Variants in NCAM2 observed in about 807,000 individuals in gnomAD.
NCAM2 encodes the protein N-CAM-2.
NCAM2 carries 30 observed loss-of-function variants against 98.1 expected under a neutral mutation model. That is an observed-to-expected ratio of 0.31 (90% CI 0.23 to 0.41). NCAM2 has a LOEUF of 0.41. Ranked by LOEUF, NCAM2 falls within the 10% of genes least tolerant of loss-of-function variation. The pLI, the probability that NCAM2 is intolerant of heterozygous loss-of-function variation, is 1.00. For synonymous variants in NCAM2, 368 were observed against 342.4 expected, an observed-to-expected ratio of 1.07 and a Z score of -0.83; for missense variants, 867 against 1,005.8, an observed-to-expected ratio of 0.86 and a Z score of 1.87.
At chr21:21,316,628 C>G (rs557708807) in intron 5 of NCAM2, among the ~76,000 whole-genome samples, 3 of 142,128 alleles carry the variant, frequency 2.1e-5, no homozygotes, top group Non-Finnish European at 3.0e-5. Flanking sequence ...CCTACAACCT[C>G]TGCCTCCCAG....
At chr21:21,409,345 T>C (rs1177070074) in intron 9 of NCAM2, among the ~76,000 whole-genome samples, 2 of 152,122 alleles carry the variant, frequency 1.3e-5, no homozygotes, top group East Asian at 1.9e-4. Context: ...CCTGAAAAAA[T>C]TGATAGGGAA....
intron 6 of NCAM2, among the ~76,000 whole-genome samples, chr21:21,331,736 G>C (rs1017247211): frequency 7.0e-6 from 1 of 142,566 alleles, no homozygotes; most frequent in Non-Finnish European, 1.5e-5. Context: ...ACACAGGCAC[G>C]TGCCACCACA....
At chr21:21,019,289 C>T (rs1046600478) in intron 1 of NCAM2, among the ~76,000 whole-genome samples, 39 of 152,222 alleles carry the variant, frequency 2.6e-4, no homozygotes, top group Non-Finnish European at 4.7e-4. Flanking sequence ...GATAATTATA[C>T]CTGCAAAAAT....
In NCAM2 at chr21:21,539,239, T is replaced by A. The variant is rs142165520; in HGVS notation, c.*1282T>A. 1.8e-4 allele frequency: 28 copies of A among 152,258 alleles called. 2 individuals are homozygous for A. In the East Asian group the frequency reaches 5.0e-3, roughly 27 times the overall value. 9.4% of individuals were successfully genotyped at this position (152,258 alleles called of 1,614,324 possible). ...ATGCAAGCTCCCAGAGGTAATAGAG[T>A]GACACATGATTTAACTTATATGTAA... On this transcript the variant is annotated 3_prime_UTR_variant, in exon 18 of 18. Transcript: ENST00000400546.
rs1414486827 is a variant in NCAM2, at chr21:21,097,522, C to A, written c.55+98904C>A. Among the ~76,000 whole-genome samples, 3 of 151,454 alleles carry A rather than the reference C, an allele frequency of 2.0e-5. No individual in the cohort carries two copies. The East Asian group carries it at 5.8e-4, about 29-fold the overall frequency. Reference sequence around the variant, plus strand: ...TTAACAGAGATACATTTTTTATATGCTTACTATTTTAAATATAGACTTGCT... The same window carrying A: ...TTAACAGAGATACATTTTTTATATGATTACTATTTTAAATATAGACTTGCT... On this transcript the variant is annotated intron_variant, in intron 1 of 17. Coordinates refer to ENST00000400546, the MANE Select transcript of NCAM2 (RefSeq NM_004540.5).
intron 1 of NCAM2, among the ~76,000 whole-genome samples, chr21:20,999,244 A>G (rs1056304793): frequency 1.3e-5 from 2 of 152,044 alleles, no homozygotes; most frequent in Non-Finnish European, 2.9e-5. Flanking sequence ...TTTGACCCCA[A>G]CCCCTTATTA....
At chr21:21,379,148 G>T (rs1318628336) in intron 9 of NCAM2, among the ~76,000 whole-genome samples, 3 of 152,002 alleles carry the variant, frequency 2.0e-5, no homozygotes, top group African/African-American at 7.2e-5. Flanking sequence ...CTAGTTAATA[G>T]AAAGGACTTT....
intron 1 of NCAM2, among the ~76,000 whole-genome samples, chr21:21,233,144 A>G (rs1396307212): frequency 6.6e-6 from 1 of 151,506 alleles, no homozygotes; most frequent in Non-Finnish European, 1.5e-5. Context: ...GAGAAAGAAG[A>G]TTGATACAAA....
At chr21:21,259,050 G>A (rs2071784717) in intron 1 of NCAM2, among the ~76,000 whole-genome samples, 1 of 152,128 alleles carries the variant, frequency 6.6e-6, no homozygotes, top group African/African-American at 2.4e-5. Context: ...TGAAGCAGTG[G>A]TTCTCCCCCT....
intron 16 of NCAM2, among the ~76,000 whole-genome samples, 173 bp downstream of exon 16, chr21:21,509,228 A>T (rs1569128673): frequency 6.6e-6 from 1 of 152,098 alleles, no homozygotes; most frequent in Non-Finnish European, 1.5e-5. Flanking sequence ...CTTATATATA[A>T]CCTAGAACAA....
intron 1 of NCAM2, among the ~76,000 whole-genome samples, chr21:21,248,552 G>C (rs144934875): frequency 6.6e-6 from 1 of 151,658 alleles, no homozygotes; most frequent in Non-Finnish European, 1.5e-5. Context: ...CGAGGCAAGC[G>C]GGTCACGAGG....
intron 1 of NCAM2, among the ~76,000 whole-genome samples, chr21:21,071,935 C>T (rs561334960): frequency 6.8e-5 from 10 of 146,782 alleles, no homozygotes; most frequent in South Asian, 2.2e-4. Flanking sequence ...TTTTTTGAGA[C>T]GGAGTGTTGC....
At chr21:21,170,771 G>A (rs1348481658) in intron 1 of NCAM2, among the ~76,000 whole-genome samples, 1 of 152,130 alleles carries the variant, frequency 6.6e-6, no homozygotes, top group Non-Finnish European at 1.5e-5. Context: ...GCATGTTGTT[G>A]ATGTATCAAT....
At chr21:21,003,894 G>C (rs1396399919) in intron 1 of NCAM2, among the ~76,000 whole-genome samples, 1 of 152,128 alleles carries the variant, frequency 6.6e-6, no homozygotes. Context: ...TTGTCCTAGT[G>C]ATGCAACACA....
chr21:21,436,413 A>G (rs754120515), intron 12 of NCAM2, among the ~76,000 whole-genome samples: 9 of 152,354 alleles, frequency 5.9e-5, no homozygotes, highest in Middle Eastern at 3.4e-3. Flanking sequence ...CTCTCACAGT[A>G]AAATTCCCTC....
chr21:21,192,171 C>T (rs1380448218), intron 1 of NCAM2, among the ~76,000 whole-genome samples: 2 of 151,692 alleles, frequency 1.3e-5, no homozygotes, highest in Non-Finnish European at 2.9e-5. Flanking sequence ...TGTGGTGAGC[C>T]AAGATTGCAC....
chr21:21,019,053 CA>C (rs1422362317), intron 1 of NCAM2, among the ~76,000 whole-genome samples: 2 of 152,194 alleles, frequency 1.3e-5, no homozygotes, highest in Non-Finnish European at 2.9e-5. Context: ...CAGTTCCAGG[CA>C]TTGAGGCCAA....
At chr21:21,266,990 G>A (rs770760232) in intron 1 of NCAM2, among the ~76,000 whole-genome samples, 2 of 152,076 alleles carry the variant, frequency 1.3e-5, no homozygotes, top group South Asian at 2.1e-4. Flanking sequence ...ATTTCATCAC[G>A]CAGCTATTAA....
chr21:21,413,902 T>C (rs2076935723), intron 10 of NCAM2, among the ~76,000 whole-genome samples: 1 of 152,194 alleles, frequency 6.6e-6, no homozygotes, highest in South Asian at 2.1e-4. Flanking sequence ...TAGCAGGTGA[T>C]GCTATAAGGC....
Sources: gnomAD v4.1 joint callset for allele counts (sites outside exome capture counted in the v4.1 genomes callset) on GRCh38, gnomAD v4.1.1 for gene constraint, MANE v1.5 for transcripts, NCBI Gene and HGNC (gene_info 2026-07-23, HGNC 2026-07-21) for gene names.